The following PCDHAC1 variants were observed in gnomAD, a reference collection of about 807,000 sequenced individuals.
PCDHAC1 encodes the protein protocadherin alpha-C1.
PCDHAC1 carries 42 observed loss-of-function variants against 60.0 expected under a neutral mutation model. The ratio of observed to expected loss-of-function variants is 0.70; its 90% CI spans 0.55 to 0.90. PCDHAC1 has a LOEUF of 0.90. Among genes scored for constraint, PCDHAC1 ranks in the 40% least tolerant of loss-of-function variants. The probability of loss-of-function intolerance (pLI) is 0.00; values close to 1 mark genes in which losing one functional copy is unlikely to be tolerated. For missense variants in PCDHAC1, 1,160 were observed against 1,222.3 expected (o/e 0.95, Z 0.76); for synonymous variants, 468 against 499.3 (o/e 0.94, Z 0.84).
chr5:140,984,645 C>T (rs1354690786), intron 3 of PCDHAC1, among the ~76,000 whole-genome samples: 1 of 152,164 alleles, frequency 6.6e-6, no homozygotes, highest in African/African-American at 2.4e-5. Flanking sequence ...TGCCTTCTCC[C>T]TGTCCTTCTG....
chr5:141,005,489 G>A (rs1336877426), intron 3 of PCDHAC1, among the ~76,000 whole-genome samples: 3 of 151,788 alleles, frequency 2.0e-5, no homozygotes, highest in Non-Finnish European at 4.4e-5. Context: ...GGATCATGAG[G>A]TCAGGAGATC....
At chr5:140,936,419 TTTAA>T (rs1159041231) in intron 1 of PCDHAC1, among the ~76,000 whole-genome samples, 4 of 152,184 alleles carry the variant, frequency 2.6e-5, no homozygotes, top group Non-Finnish European at 5.9e-5. Context: ...TGTTACTAAT[TTTAA>T]TTAATTTAAG....
chr5:141,010,455 T>G lies in PCDHAC1; in HGVS notation c.*518T>G. The stretch of plus-strand genomic sequence containing the variant: ...AACAAAGACAAATAAACAGCGGAAG[T>G]TATCAGTATGGAGGGGAAGTGTAAA... On this transcript the variant is annotated 3_prime_UTR_variant, in exon 4 of 4. Transcript: ENST00000253807. 1 of 883,470 alleles carries G rather than the reference T, an allele frequency of 1.1e-6. No homozygotes were observed. Among genetic ancestry groups the G allele is most frequent in the South Asian group, 1.9e-5 (1 of 53,228 alleles). 54.7% of individuals were successfully genotyped at this position (883,470 alleles called of 1,614,324 possible). A position where few individuals can be genotyped will look rare whatever the true frequency, so the allele number is the denominator to read the frequency against.
chr5:140,997,995 T>C (rs573319923), intron 3 of PCDHAC1, among the ~76,000 whole-genome samples: 1 of 152,304 alleles, frequency 6.6e-6, no homozygotes, highest in East Asian at 1.9e-4. Flanking sequence ...CATACTTCCC[T>C]CTGAGCCTTC....
At chr5:140,986,213 C>T (rs1554247816) in intron 3 of PCDHAC1, among the ~76,000 whole-genome samples, 2 of 152,208 alleles carry the variant, frequency 1.3e-5, no homozygotes, top group Non-Finnish European at 2.9e-5. Context: ...TTACTGGCCC[C>T]TTTCTCTAGC....
At chr5:140,993,472 A>T (rs1164535164) in intron 3 of PCDHAC1, among the ~76,000 whole-genome samples, 1 of 134,248 alleles carries the variant, frequency 7.4e-6, no homozygotes, top group Non-Finnish European at 1.5e-5. Flanking sequence ...TCACACACAC[A>T]CACACACACA....
chr5:140,946,631 T>TAC (rs374022482), intron 1 of PCDHAC1, among the ~76,000 whole-genome samples: 8 of 131,856 alleles, frequency 6.1e-5, no homozygotes, highest in African/African-American at 1.7e-4. Context: ...TATATATATA[T>TAC]ACAATGGAAT....
intron 1 of PCDHAC1, among the ~76,000 whole-genome samples, chr5:140,977,515 C>T (rs2096764078): frequency 6.6e-6 from 1 of 152,158 alleles, no homozygotes; most frequent in African/African-American, 2.4e-5. Context: ...ATTTTGTGAA[C>T]TTGAAAACAA....
rs1262601662 is a variant in PCDHAC1, at chr5:141,011,550, A to C, written c.*1613A>C. On this transcript the variant is annotated 3_prime_UTR_variant, in exon 4 of 4. Coordinates refer to ENST00000253807, the MANE Select transcript of PCDHAC1 (RefSeq NM_018898.5). ...CATTGTTAATCAGCTTTTGTGTATG[A>C]AAGACACAGTAAAATTTCTTTCTTA... 6 of 153,770 alleles carry C rather than the reference A, an allele frequency of 3.9e-5. No homozygotes were observed. The highest frequency in any genetic ancestry group is 1.4e-4 in the African/African-American group (6 of 41,462). The allele number at this position is 153,770 out of a possible 1,614,324, so 9.5% of individuals were successfully genotyped here. A position where few individuals can be genotyped will look rare whatever the true frequency, so the allele number is the denominator to read the frequency against.
chr5:141,009,732 A>G lies in PCDHAC1; in HGVS notation c.2687A>G (p.Glu896Gly). ...AACCCCAAACAATCCGGTCCCGGTG[A>G]GTTGCCCGACAAATTCATTATCCCA... is the stretch of plus-strand genomic sequence containing the variant. Reference protein sequence around the residue: ...PGNPKQSGPGELPDKFIIPGS... With the variant: ...PGNPKQSGPGGLPDKFIIPGS... Residue 896 changes from glutamate to glycine, a missense_variant, in exon 4 of 4, where the codon GAG becomes GGG. Transcript: ENST00000253807. The G allele has an allele frequency of 6.2e-7, 1 of 1,614,168 alleles. No individual in the cohort carries two copies. Among genetic ancestry groups the G allele is most frequent in the Non-Finnish European group, 8.5e-7 (1 of 1,180,032 alleles).
intron 1 of PCDHAC1, among the ~76,000 whole-genome samples, chr5:140,957,130 A>G (rs1554222831): frequency 6.6e-6 from 1 of 152,188 alleles, no homozygotes; most frequent in East Asian, 1.9e-4. Context: ...TCTTTACTAC[A>G]CTATGAACTA....
intron 3 of PCDHAC1, among the ~76,000 whole-genome samples, chr5:141,005,561 G>T (rs1554260149): frequency 6.6e-6 from 1 of 151,354 alleles, no homozygotes. Flanking sequence ...AATTAGCCGG[G>T]CATGGTGGCG....
chr5:140,994,962 T>C (rs2097657475), intron 3 of PCDHAC1, among the ~76,000 whole-genome samples: 2 of 152,208 alleles, frequency 1.3e-5, no homozygotes, highest in Admixed American at 1.3e-4. Flanking sequence ...TGTAGTTTCA[T>C]TTGTTGGCCA....
chr5:140,928,434 CTT>C lies in PCDHAC1; in HGVS notation c.1544_1545del (p.Phe515Ter), dbSNP rs1554205890. 6.2e-7 allele frequency: 1 copy of C among 1,614,172 alleles called. No homozygotes were observed. The highest frequency in any genetic ancestry group is 1.1e-5 in the South Asian group (1 of 91,082). On this transcript the variant is annotated frameshift_variant, in exon 1 of 4. Coordinates refer to ENST00000253807, the MANE Select transcript of PCDHAC1 (RefSeq NM_018898.5). LOFTEE classifies it high-confidence loss of function. ...CCATCACTGCCAAAACTTCCTTTGA[CTT>C]TGAGCAGCTCAGGGGGTTTCATTTC... Reference protein sequence around the residue: ...GAITAKTSFDFEQLRGFHFQV... With the variant: ...GAITAKTSFDXEQLRGFHFQV...
At chr5:140,936,773 C>T (rs916525557) in intron 1 of PCDHAC1, among the ~76,000 whole-genome samples, 3 of 152,280 alleles carry the variant, frequency 2.0e-5, no homozygotes, top group African/African-American at 7.2e-5. Context: ...TGTAAGTTCT[C>T]TCACTTTGTT....
chr5:140,985,268 A>G (rs1399255449), intron 3 of PCDHAC1, among the ~76,000 whole-genome samples: 6 of 152,098 alleles, frequency 3.9e-5, no homozygotes, highest in African/African-American at 1.2e-4. Context: ...TTTCTGGACT[A>G]CTTTTCTGCA....
At chr5:140,995,629 T>C (rs1333793289) in intron 3 of PCDHAC1, among the ~76,000 whole-genome samples, 1 of 152,164 alleles carries the variant, frequency 6.6e-6, no homozygotes, top group Admixed American at 6.5e-5. Context: ...TTGGAAACTT[T>C]GGAGTGTTTA....
At position 140,926,696 on chromosome 5, in the gene PCDHAC1, C is replaced by A; in HGVS notation, c.-197C>A. 1 of 771,792 alleles carries A rather than the reference C, an allele frequency of 1.3e-6. No homozygotes were observed. The highest frequency in any genetic ancestry group is 1.9e-6 in the Non-Finnish European group (1 of 535,384). 47.8% of individuals were successfully genotyped at this position (771,792 alleles called of 1,614,324 possible). ...CCAGCCTCCAGCCTAGCAAGCCCGG[C>A]TCCCAGCTGGCCAGCCCCGGCAATG... On this transcript the variant is annotated 5_prime_UTR_variant, in exon 1 of 4. Coordinates refer to ENST00000253807, the MANE Select transcript of PCDHAC1 (RefSeq NM_018898.5).
chr5:140,946,611 A>AATATATATAT (rs1554217734), intron 1 of PCDHAC1, among the ~76,000 whole-genome samples: 3,697 of 86,664 alleles, frequency 0.043, 168 homozygotes, highest in Non-Finnish European at 0.054. Flanking sequence ...GAAAATGTGA[A>AATATATATAT]ATATATATAT....
Sources: allele counts gnomAD v4.1 joint callset (sites outside exome capture counted in the v4.1 genomes callset), GRCh38; gene constraint gnomAD v4.1.1; transcripts MANE v1.5; gene names NCBI Gene and HGNC (gene_info 2026-07-23, HGNC 2026-07-21).